Variants in PRPF18 observed in about 807,000 individuals in gnomAD.
PRPF18 encodes the protein pre-mRNA-splicing factor 18.
A neutral mutation model predicts 46.5 loss-of-function variants in PRPF18; 38 were observed. The ratio of observed to expected loss-of-function variants is 0.82; its 90% CI spans 0.63 to 1.07. The LOEUF is 1.07. Ranked by LOEUF, PRPF18 falls within the 50% of genes least tolerant of loss-of-function variation. PRPF18 has a pLI of 0.00. For missense variants in PRPF18, 263 were observed against 410.0 expected (o/e 0.64, Z 3.10); for synonymous variants, 152 against 146.7 (o/e 1.04, Z -0.26).
At chr10:13,603,498 A>C (rs2080144583) in intron 3 of PRPF18, among the ~76,000 whole-genome samples, 1 of 152,214 alleles carries the variant, frequency 6.6e-6, no homozygotes, top group South Asian at 2.1e-4. Context: ...CACTCCTCAC[A>C]ACTTGGCCTA....
chr10:13,647,311 C>G, the PRPF18 span: 1 of 152,202 alleles, frequency 6.6e-6, no homozygotes, highest in East Asian at 1.9e-4. Flanking sequence ...TTCAGCGTGG[C>G]TGCATCCGGG....
At chr10:13,654,778 C>G in the PRPF18 span, 2 of 501,946 alleles carry the variant, frequency 4.0e-6, no homozygotes, top group East Asian at 3.3e-5. Flanking sequence ...TCAAGCTGAC[C>G]TGGGATCCTA....
At chr10:13,635,696 T>A (rs1357907883), downstream of PRPF18, among the ~76,000 whole-genome samples, 4 of 152,244 alleles carry the variant, frequency 2.6e-5, no homozygotes, top group African/African-American at 9.6e-5. Context: ...GTATGTCTTC[T>A]TTTGTGAAGT....
downstream of PRPF18, among the ~76,000 whole-genome samples, chr10:13,633,059 C>T (rs2134133468): frequency 6.6e-6 from 1 of 152,294 alleles, no homozygotes; most frequent in Non-Finnish European, 1.5e-5. Context: ...TTCAGTGTTG[C>T]AGCATAGAGC....
At chr10:13,626,488 A>G (rs2080506479) in intron 9 of PRPF18, among the ~76,000 whole-genome samples, 1 of 152,206 alleles carries the variant, frequency 6.6e-6, no homozygotes, top group Non-Finnish European at 1.5e-5. Flanking sequence ...AAAACCCTGA[A>G]TATTGATTTC....
chr10:13,633,269 G>T (rs1328817631), downstream of PRPF18, among the ~76,000 whole-genome samples: 2 of 152,192 alleles, frequency 1.3e-5, no homozygotes, highest in Non-Finnish European at 2.9e-5. Flanking sequence ...TCTGCTGTGG[G>T]CCCAGAGCGC....
chr10:13,600,816 G>A (rs1464825169), intron 3 of PRPF18, among the ~76,000 whole-genome samples: 1 of 151,948 alleles, frequency 6.6e-6, no homozygotes, highest in Non-Finnish European at 1.5e-5. Context: ...TCACTGTGTC[G>A]CCCAGGCTGG....
intron 9 of PRPF18, among the ~76,000 whole-genome samples, chr10:13,629,734 C>A (rs1215078360): frequency 6.6e-6 from 1 of 152,204 alleles, no homozygotes; most frequent in African/African-American, 2.4e-5. Flanking sequence ...CCAACCAGAG[C>A]CCCTCATCTT....
the PRPF18 span, chr10:13,654,857 A>G: frequency 3.0e-6 from 1 of 337,058 alleles, no homozygotes; most frequent in South Asian, 5.8e-5. Context: ...AAAGAATCTG[A>G]TGTCCCCATA....
chr10:13,590,948 A>G (rs114531192), intron 1 of PRPF18, among the ~76,000 whole-genome samples: 2,076 of 152,330 alleles, frequency 0.014, 49 homozygotes, highest in African/African-American at 0.046. Flanking sequence ...TTAGACTAAC[A>G]TGATTTATAT....
At chr10:13,651,897 C>T in the PRPF18 span, 14 of 1,484,776 alleles carry the variant, frequency 9.4e-6, no homozygotes, top group African/African-American at 4.1e-5. Context: ...ACTCCCCTTA[C>T]GGTACCTCTA....
chr10:13,635,203 T>G (rs948560775), downstream of PRPF18, among the ~76,000 whole-genome samples: 1 of 152,242 alleles, frequency 6.6e-6, no homozygotes, highest in African/African-American at 2.4e-5. Context: ...GCTCCATCCA[T>G]GTCCCTGCAG....
intron 9 of PRPF18, among the ~76,000 whole-genome samples, chr10:13,628,475 A>T (rs2134070245): frequency 6.6e-6 from 1 of 152,146 alleles, no homozygotes; most frequent in Non-Finnish European, 1.5e-5. Flanking sequence ...AATCATCTCT[A>T]GATTACTTAC....
At chr10:13,645,223 G>A in the PRPF18 span, 1 of 152,278 alleles carries the variant, frequency 6.6e-6, no homozygotes, top group Admixed American at 6.5e-5. Flanking sequence ...CATGAAAAGC[G>A]AAGATTTTTC....
chr10:13,649,980 T>C, the PRPF18 span, among the ~76,000 whole-genome samples: 120 of 152,308 alleles, frequency 7.9e-4, no homozygotes, highest in Non-Finnish European at 6.2e-4. Flanking sequence ...CCCTGGGCAG[T>C]CTGGGTCACA....
the PRPF18 span, chr10:13,649,751 T>C: frequency 6.6e-6 from 1 of 152,222 alleles, no homozygotes; most frequent in Non-Finnish European, 1.5e-5. Context: ...TGCCTTTCAG[T>C]ACAAATTCAA....
intron 9 of PRPF18, among the ~76,000 whole-genome samples, chr10:13,627,977 C>G (rs558865703): frequency 1.6e-4 from 24 of 151,278 alleles, no homozygotes; most frequent in Non-Finnish European, 3.2e-4. Flanking sequence ...CTTCAGGAAC[C>G]TTAAGATGCC....
At chr10:13,625,782 G>A (rs1490011270) in intron 9 of PRPF18, among the ~76,000 whole-genome samples, 2 of 152,216 alleles carry the variant, frequency 1.3e-5, no homozygotes, top group Non-Finnish European at 2.9e-5. Context: ...CTCACTGATA[G>A]CACTAGAAGG....
At chr10:13,614,472 C>A (rs938365412) in intron 8 of PRPF18, among the ~76,000 whole-genome samples, 1 of 152,158 alleles carries the variant, frequency 6.6e-6, no homozygotes, top group Non-Finnish European at 1.5e-5. Flanking sequence ...CCAGGATGGT[C>A]ATAAAAGCCC....
Sources: gnomAD v4.1 joint callset for allele counts (sites outside exome capture counted in the v4.1 genomes callset) on GRCh38, gnomAD v4.1.1 for gene constraint, MANE v1.5 for transcripts, NCBI Gene and HGNC (gene_info 2026-07-23, HGNC 2026-07-21) for gene names.